Variants in NEGR1 observed in about 807,000 individuals in gnomAD.
NEGR1 encodes IgLON family member 4.
Under a neutral mutation model 40.9 loss-of-function variants are expected in NEGR1, and 10 were observed. The ratio of observed to expected loss-of-function variants is 0.24; its 90% CI spans 0.15 to 0.42. The LOEUF (loss-of-function observed/expected upper bound fraction) is 0.42. Ranked by LOEUF, NEGR1 falls within the 10% of genes least tolerant of loss-of-function variation. The probability of loss-of-function intolerance (pLI) is 1.00; values close to 1 mark genes in which losing one functional copy is unlikely to be tolerated. For synonymous variants in NEGR1, 185 were observed against 166.8 expected (o/e 1.11, Z -0.84); for missense variants, 352 against 438.9 (o/e 0.80, Z 1.77).
At position 71,528,127 on chromosome 1, in the gene NEGR1, T is replaced by C. The variant is rs549013282; in HGVS notation, c.940+64690A>G. ...GCTAAATACTAAGCACTCTATTAGATAATAAAGATATAGAAATTAAGTCAG... is the reference window on the plus strand; with the variant it reads ...GCTAAATACTAAGCACTCTATTAGACAATAAAGATATAGAAATTAAGTCAG... On this transcript the variant is annotated intron_variant, in intron 6 of 6. Coordinates refer to ENST00000357731, the MANE Select transcript of NEGR1 (RefSeq NM_173808.3). Among the ~76,000 whole-genome samples, 3 of 151,504 alleles carry C rather than the reference T, an allele frequency of 2.0e-5. No individual in the cohort carries two copies. In the South Asian group the frequency reaches 6.2e-4, roughly 31 times the overall value.
chr1:71,778,612 C>CT (rs1185029659), intron 2 of NEGR1, among the ~76,000 whole-genome samples: 1 of 152,044 alleles, frequency 6.6e-6, no homozygotes, highest in East Asian at 1.9e-4. Flanking sequence ...TTATATAGTG[C>CT]TTTTTTCCTT....
chr1:71,494,568 T>C (rs1334033208), intron 6 of NEGR1, among the ~76,000 whole-genome samples: 1 of 152,112 alleles, frequency 6.6e-6, no homozygotes, highest in Non-Finnish European at 1.5e-5. Context: ...GTTCTGTGAG[T>C]CCTTATAGTG....
chr1:71,805,216 T>G (rs1657716058), intron 2 of NEGR1, among the ~76,000 whole-genome samples: 1 of 152,180 alleles, frequency 6.6e-6, no homozygotes, highest in South Asian at 2.1e-4. Flanking sequence ...TTAGCAATTT[T>G]AATTTCGCCC....
chr1:71,821,637 C>G (rs963395371), intron 2 of NEGR1, among the ~76,000 whole-genome samples: 1 of 151,882 alleles, frequency 6.6e-6, no homozygotes, highest in East Asian at 1.9e-4. Flanking sequence ...AGTGTTGGAG[C>G]TATCAGTGAT....
chr1:71,536,505 T>C (rs1010287152), intron 6 of NEGR1, among the ~76,000 whole-genome samples: 3 of 151,750 alleles, frequency 2.0e-5, no homozygotes, highest in Admixed American at 2.0e-4. Context: ...TAAATGCAGA[T>C]GCTGGTACCA....
intron 1 of NEGR1, among the ~76,000 whole-genome samples, chr1:72,020,054 T>A (rs1021574078): frequency 6.6e-6 from 1 of 152,228 alleles, no homozygotes; most frequent in Non-Finnish European, 1.5e-5. Context: ...CTAAAATTAC[T>A]TCTGAGTATA....
chr1:72,011,908 T>C (rs2100402778), intron 1 of NEGR1, among the ~76,000 whole-genome samples: 1 of 152,130 alleles, frequency 6.6e-6, no homozygotes, highest in Non-Finnish European at 1.5e-5. Context: ...AGTGATGAAG[T>C]ACATGGAAGC....
rs1305507837 is a variant in NEGR1, at chr1:72,190,908, A to G, written c.176+91411T>C. On this transcript the variant is annotated intron_variant, in intron 1 of 6. Coordinates refer to ENST00000357731, the MANE Select transcript of NEGR1 (RefSeq NM_173808.3). ...AATGTTGAAAGAACTTCAACCCATT[A>G]ACTAGTCTGTGTTTACTCTTTAGTT... Among the ~76,000 whole-genome samples the G allele has an allele frequency of 4.6e-5, 7 of 151,658 alleles. No homozygotes were observed. In the East Asian group the frequency reaches 1.4e-3, roughly 29 times the overall value.
intron 1 of NEGR1, among the ~76,000 whole-genome samples, chr1:71,942,977 A>ATATATATATATATATATATATATATAT (rs1557446726): frequency 3.1e-4 from 37 of 119,498 alleles, no homozygotes; most frequent in Admixed American, 5.2e-4. Context: ...TATATATATA[A>ATATATATATATATATATATATATATAT]GTATATATGT....
intron 2 of NEGR1, among the ~76,000 whole-genome samples, chr1:71,931,913 G>A (rs1645858936): frequency 6.6e-6 from 1 of 152,064 alleles, no homozygotes; most frequent in African/African-American, 2.4e-5. Context: ...TTAGTTCTTA[G>A]TAAATATATC....
chr1:71,482,428 T>C (rs1045869077), intron 6 of NEGR1, among the ~76,000 whole-genome samples: 1 of 151,838 alleles, frequency 6.6e-6, no homozygotes. Context: ...GAAATATGTT[T>C]ACCCGGCTCA....
intron 1 of NEGR1, among the ~76,000 whole-genome samples, chr1:72,101,492 T>C (rs918927623): frequency 6.6e-6 from 1 of 152,178 alleles, no homozygotes; most frequent in Admixed American, 6.5e-5. Flanking sequence ...TAGGTATGTA[T>C]TCCTATTTCA....
At position 71,776,176 on chromosome 1, in the gene NEGR1, T is replaced by A. The variant is rs750671791; in HGVS notation, c.531A>T (p.Pro177=). 1.1e-5 allele frequency: 18 copies of A among 1,608,974 alleles called. No homozygotes were observed. The highest frequency in any genetic ancestry group is 1.5e-5 in the Non-Finnish European group (18 of 1,177,168). ...EPSISWRHIS[P]SAKPFENGQY... is the part of the protein sequence containing the mutation. ...ACTAATGCATTCCTACTTTACCTGA[T>A]GGGGAGATGTGTCGCCAAGAAATGG... Residue 177 remains proline (P), a synonymous_variant, in exon 3 of 7, where the codon CCA becomes CCT. Coordinates refer to ENST00000357731, the MANE Select transcript of NEGR1 (RefSeq NM_173808.3).
chr1:71,941,136 G>T (rs556069606), intron 1 of NEGR1, among the ~76,000 whole-genome samples: 1 of 152,042 alleles, frequency 6.6e-6, no homozygotes, highest in African/African-American at 2.4e-5. Flanking sequence ...TCTCTTCATT[G>T]CATCATAAAG....
chr1:71,953,466 G>C (rs1646090751), intron 1 of NEGR1, among the ~76,000 whole-genome samples: 1 of 151,954 alleles, frequency 6.6e-6, no homozygotes, highest in African/African-American at 2.4e-5. Context: ...TACCCCTGGG[G>C]TAACTGCTGT....
intron 1 of NEGR1, among the ~76,000 whole-genome samples, chr1:72,004,540 T>C (rs1370373691): frequency 6.6e-6 from 1 of 152,092 alleles, no homozygotes; most frequent in Non-Finnish European, 1.5e-5. Flanking sequence ...CACCTCGGCC[T>C]CCCAAAGTTC....
rs1347937599 is a variant in NEGR1 at position 72,012,866 on chromosome 1, C to T, written c.177-77555G>A. On this transcript the variant is annotated intron_variant, in intron 1 of 6. Coordinates refer to ENST00000357731, the MANE Select transcript of NEGR1 (RefSeq NM_173808.3). ...ACATATATATATATATACACACACA[C>T]ATATATATATATTTTTTTTTTTGTA... 1.2e-4 allele frequency among the ~76,000 whole-genome samples: 13 copies of T among 104,930 alleles called. No homozygotes were observed. In the East Asian group the frequency reaches 4.7e-3, roughly 38 times the overall value. The allele number at this position is 104,930 out of a possible 152,430, so 68.8% of individuals were successfully genotyped here.
In NEGR1 at chr1:72,020,707, C is replaced by T. The variant is rs563068455; in HGVS notation, c.177-85396G>A. Among the ~76,000 whole-genome samples, 5 of 152,172 alleles carry T rather than the reference C, an allele frequency of 3.3e-5. No homozygotes were observed. The South Asian group carries it at 1.0e-3, about 32-fold the overall frequency. On this transcript the variant is annotated intron_variant, in intron 1 of 6. Coordinates refer to ENST00000357731, the MANE Select transcript of NEGR1 (RefSeq NM_173808.3). ...CAGACGACTACAACAACCACCACCA[C>T]CAAAGTAGAGATAAGCACTAGATAT...
intron 1 of NEGR1, among the ~76,000 whole-genome samples, chr1:72,171,424 T>G (rs1489962590): frequency 6.6e-6 from 1 of 152,100 alleles, no homozygotes; most frequent in African/African-American, 2.4e-5. Context: ...CAAAGAAACA[T>G]GGAGAAAAGA....
Sources: gnomAD v4.1 joint callset for allele counts (sites outside exome capture counted in the v4.1 genomes callset) on GRCh38, gnomAD v4.1.1 for gene constraint, MANE v1.5 for transcripts, NCBI Gene and HGNC (gene_info 2026-07-23, HGNC 2026-07-21) for gene names.